Variants in DLG2 observed in about 807,000 individuals in gnomAD.
The protein encoded by DLG2 is disks large homolog 2.
DLG2 carries 45 observed loss-of-function variants against 132.5 expected under a neutral mutation model. The ratio of observed to expected loss-of-function variants is 0.34; its 90% CI spans 0.27 to 0.44. DLG2 has a LOEUF of 0.44. DLG2 is among the 20% of genes least tolerant of loss of function. The probability of loss-of-function intolerance (pLI) is 1.00; values close to 1 mark genes in which losing one functional copy is unlikely to be tolerated. For missense variants in DLG2, 1,045 were observed against 1,196.9 expected (o/e 0.87, Z 1.87); for synonymous variants, 424 against 419.6 (o/e 1.01, Z -0.13).
chr11:85,594,976 G>A (rs887766082), intron 3 of DLG2, among the ~76,000 whole-genome samples: 8 of 145,152 alleles, frequency 5.5e-5, no homozygotes, highest in Non-Finnish European at 1.0e-4. Context: ...TGAGGCAGGA[G>A]AATCGCTTGA....
intron 5 of DLG2, 95 bp downstream of exon 5, chr11:85,154,461 T>A (rs1043093507): frequency 9.4e-6 from 6 of 636,072 alleles, no homozygotes; most frequent in Non-Finnish European, 1.5e-5. Context: ...ACACATTTTC[T>A]TTTCTTTCTT....
intron 25 of DLG2, among the ~76,000 whole-genome samples, chr11:83,467,807 A>G (rs1409797755): frequency 9.3e-6 from 1 of 107,146 alleles, no homozygotes; most frequent in Non-Finnish European, 2.0e-5. Context: ...ATATATATAT[A>G]TATACACACA....
chr11:84,970,065 T>C (rs931424659), intron 6 of DLG2, among the ~76,000 whole-genome samples: 1 of 151,954 alleles, frequency 6.6e-6, no homozygotes, highest in African/African-American at 2.4e-5. Flanking sequence ...ATACCTAATG[T>C]AGATGATAGC....
At chr11:83,985,901 T>G (rs1307896781) in intron 11 of DLG2, among the ~76,000 whole-genome samples, 1 of 152,082 alleles carries the variant, frequency 6.6e-6, no homozygotes, top group African/African-American at 2.4e-5. Context: ...TTGAATTTTT[T>G]TCCTCTAGGT....
intron 19 of DLG2, among the ~76,000 whole-genome samples, chr11:83,589,787 T>A (rs1180639376): frequency 6.8e-6 from 1 of 147,574 alleles, no homozygotes; most frequent in African/African-American, 2.5e-5. Flanking sequence ...AATAAAAGGA[T>A]GGAGGAAGAT....
At position 84,680,448 on chromosome 11, in the gene DLG2, A is replaced by C. The variant is rs2099726010; in HGVS notation, c.358-145717T>G. Reference sequence around the variant, plus strand: ...CTCACTTCCTCATAATTCCAAGGTGAATCTACCTATCCTTACATGCTGGTC... The same window carrying C: ...CTCACTTCCTCATAATTCCAAGGTGCATCTACCTATCCTTACATGCTGGTC... On this transcript the variant is annotated intron_variant, in intron 6 of 27. Transcript: ENST00000376104. Among the ~76,000 whole-genome samples the C allele has an allele frequency of 4.6e-5, 7 of 152,134 alleles. No individual in the cohort carries two copies. The South Asian group carries it at 1.4e-3, about 31-fold the overall frequency.
intron 19 of DLG2, among the ~76,000 whole-genome samples, chr11:83,564,061 ATAT>A (rs1261892602): frequency 6.6e-6 from 1 of 151,160 alleles, no homozygotes; most frequent in Non-Finnish European, 1.5e-5. Context: ...CTGTTCCAAC[ATAT>A]TATTGGAAAT....
chr11:83,907,330 C>G (rs1010509506), intron 15 of DLG2, among the ~76,000 whole-genome samples: 17 of 151,988 alleles, frequency 1.1e-4, no homozygotes, highest in African/African-American at 3.9e-4. Context: ...GGCAGGTAAA[C>G]AAATTACTAT....
At chr11:85,198,971 A>C (rs1794630916) in intron 4 of DLG2, among the ~76,000 whole-genome samples, 1 of 152,144 alleles carries the variant, frequency 6.6e-6, no homozygotes, top group African/African-American at 2.4e-5. Context: ...GTCTAATGTC[A>C]ACCTTCCCCA....
intron 6 of DLG2, among the ~76,000 whole-genome samples, chr11:84,990,680 A>G (rs560997599): frequency 6.6e-6 from 1 of 151,632 alleles, no homozygotes; most frequent in South Asian, 2.1e-4. Context: ...ATTAAAATTC[A>G]TAAAATAAGA....
chr11:83,946,754 CATA>C (rs1430475504), intron 14 of DLG2, among the ~76,000 whole-genome samples: 3 of 151,864 alleles, frequency 2.0e-5, no homozygotes, highest in Non-Finnish European at 4.4e-5. Context: ...TGCACATACA[CATA>C]ATTTTTAAAA....
intron 15 of DLG2, among the ~76,000 whole-genome samples, chr11:83,882,524 T>C (rs915161557): frequency 3.3e-5 from 5 of 152,226 alleles, no homozygotes; most frequent in African/African-American, 1.2e-4. Context: ...TTATATTAAA[T>C]GGCTTCACTC....
Position 84,702,336 on chromosome 11 carries a change from G to T in DLG2, c.358-167605C>A, listed in dbSNP as rs148319692. On this transcript the variant is annotated intron_variant, in intron 6 of 27. Coordinates refer to ENST00000376104, the MANE Select transcript of DLG2 (RefSeq NM_001142699.3). ...ACAGCTTTACTCTAATGTACTTAGTGCTGTGTTTCAACTGGGCAGGTTCAT... is the reference window on the plus strand; with the variant it reads ...ACAGCTTTACTCTAATGTACTTAGTTCTGTGTTTCAACTGGGCAGGTTCAT... Among the ~76,000 whole-genome samples the T allele has an allele frequency of 1.4e-4, 21 of 151,736 alleles. No individual in the cohort carries two copies. The East Asian group carries it at 3.9e-3, about 28-fold the overall frequency.
intron 6 of DLG2, among the ~76,000 whole-genome samples, chr11:84,755,875 T>C (rs958895073): frequency 1.3e-5 from 2 of 152,254 alleles, no homozygotes; most frequent in African/African-American, 4.8e-5. Context: ...TTAGTCAGTA[T>C]ATCATAGTGA....
intron 6 of DLG2, among the ~76,000 whole-genome samples, chr11:85,104,208 G>A (rs2071328788): frequency 1.3e-5 from 2 of 151,784 alleles, no homozygotes; most frequent in Non-Finnish European, 2.9e-5. Context: ...TTCATTCCTA[G>A]GCATATACCC....
intron 6 of DLG2, among the ~76,000 whole-genome samples, chr11:85,055,937 C>T (rs2063405493): frequency 6.6e-6 from 1 of 152,084 alleles, no homozygotes; most frequent in Non-Finnish European, 1.5e-5. Flanking sequence ...GTGCTTGATC[C>T]AGCCCAGCCC....
At chr11:84,750,648 A>C (rs1565867771) in intron 6 of DLG2, among the ~76,000 whole-genome samples, 1 of 152,166 alleles carries the variant, frequency 6.6e-6, no homozygotes. Context: ...TACATTTCTG[A>C]AACTATCATA....
Position 84,228,852 on chromosome 11 carries a change from G to C in DLG2, c.573+22386C>G, listed in dbSNP as rs184232720. Reference sequence around the variant, plus strand: ...GGTGGGCTCTGTATTGATGTCGCCTGGCTTCAACTTTAGCTTCAGTGTGCC... The same window carrying C: ...GGTGGGCTCTGTATTGATGTCGCCTCGCTTCAACTTTAGCTTCAGTGTGCC... On this transcript the variant is annotated intron_variant, in intron 8 of 27. Transcript: ENST00000376104. Among the ~76,000 whole-genome samples the C allele has an allele frequency of 5.6e-4, 86 of 152,260 alleles. 1 individual carries two copies. The East Asian group carries it at 0.015, about 27-fold the overall frequency.
At chr11:85,018,023 G>A (rs1323908475) in intron 6 of DLG2, among the ~76,000 whole-genome samples, 3 of 152,158 alleles carry the variant, frequency 2.0e-5, no homozygotes, top group Non-Finnish European at 2.9e-5. Context: ...AAATATGTGA[G>A]ATACCCTTTT....
Sources: allele counts gnomAD v4.1 joint callset (sites outside exome capture counted in the v4.1 genomes callset), GRCh38; gene constraint gnomAD v4.1.1; transcripts MANE v1.5; gene names NCBI Gene and HGNC (gene_info 2026-07-23, HGNC 2026-07-21).